PGS1: variants seen among roughly 807,000 people sequenced by gnomAD.
PGS1 encodes the protein CDP-diacylglycerol--glycerol-3-phosphate 3-phosphatidyltransferase, mitochondrial.
In PGS1, 44 loss-of-function variants were observed where a neutral mutation model predicts 58.3. The ratio of observed to expected loss-of-function variants is 0.75; its 90% CI spans 0.59 to 0.97. The LOEUF is 0.97. Ranked by LOEUF, PGS1 falls within the 50% of genes least tolerant of loss-of-function variation. PGS1 has a pLI of 0.00. For missense variants in PGS1, 684 were observed against 731.1 expected, an observed-to-expected ratio of 0.94 and a Z score of 0.74; for synonymous variants, 330 against 311.0, an observed-to-expected ratio of 1.06 and a Z score of -0.64.
Position 78,419,543 on chromosome 17 carries a change from C to T in PGS1, c.1552-3C>T, listed in dbSNP as rs2085506419. 6.2e-7 allele frequency: 1 copy of T among 1,613,540 alleles called. No individual in the cohort carries two copies. Among genetic ancestry groups the T allele is most frequent in the South Asian group, 1.1e-5 (1 of 91,064 alleles). ...ACTATTCCTGTCTGTTCCTCTTCCT[C>T]AGGAGCAAGAGCAGCTCTACCTGAG... On this transcript the variant is annotated splice_polypyrimidine_tract_variant and splice_region_variant and intron_variant, in intron 8 of 9. Transcript: ENST00000262764.
At chr17:78,403,489 C>A in intron 6 of PGS1, 79 bp from the exon 7 acceptor site, 1 of 1,440,210 alleles carries the variant, frequency 6.9e-7, no homozygotes, top group Non-Finnish European at 9.5e-7. Context: ...TTGCCTATCA[C>A]ATGCCCTGTC....
rs748023888 is a variant in PGS1 at position 78,403,993 on chromosome 17, G to A, written c.1306G>A (p.Glu436Lys). 3.1e-6 allele frequency: 5 copies of A among 1,613,882 alleles called. No homozygotes were observed. Among genetic ancestry groups the A allele is most frequent in the African/African-American group, 1.3e-5 (1 of 75,060 alleles). The change falls in exon 7 of 10, where the codon GAG becomes AAG. Residue 436 changes from glutamate (E) to lysine (K), a missense_variant. Transcript: ENST00000262764. Reference sequence around the variant, plus strand: ...CATCCCAGCGGCCTATGTGCACATCGAGCGACAGTTCTTCAGTGAGGTGTG... The same window carrying A: ...CATCCCAGCGGCCTATGTGCACATCAAGCGACAGTTCTTCAGTGAGGTGTG... ...GAIPAAYVHI[E>K]RQFFSEVCSL...
chr17:78,391,770 A>C (rs2082853223), intron 1 of PGS1, among the ~76,000 whole-genome samples: 1 of 151,854 alleles, frequency 6.6e-6, no homozygotes, highest in Non-Finnish European at 1.5e-5. Context: ...GAGCCACTGC[A>C]CCCAGCCTGC....
At chr17:78,399,581 A>G (rs1389407726) in intron 5 of PGS1, 44 bp downstream of exon 5, 25 of 1,577,276 alleles carry the variant, frequency 1.6e-5, no homozygotes, top group Non-Finnish European at 2.2e-5. Context: ...CCTGCTCTGC[A>G]GGCTGGAGGG....
In PGS1 at chr17:78,403,588, A is replaced by G. The variant is rs2083871636; in HGVS notation, c.901A>G (p.Lys301Glu). 1 of 1,612,576 alleles carries G rather than the reference A, an allele frequency of 6.2e-7. No homozygotes were observed. Among genetic ancestry groups the G allele is most frequent in the East Asian group, 2.2e-5 (1 of 44,824 alleles). ...CCCAGGGGACCGGGCCGAGTACTGC[A>G]AGGCAGCCAATAAGAGGGTCATGGA... ...PYKGDRAEYC[K>E]AANKRVMDVI... is the part of the protein sequence containing the mutation. The change falls in exon 7 of 10, where the codon AAG (lysine) becomes GAG (glutamate). Residue 301 changes from lysine to glutamate, a missense_variant. Coordinates refer to ENST00000262764, the MANE Select transcript of PGS1 (RefSeq NM_024419.5).
intron 6 of PGS1, among the ~76,000 whole-genome samples, chr17:78,401,649 C>T (rs867521306): frequency 1.2e-4 from 18 of 152,096 alleles, no homozygotes; most frequent in Non-Finnish European, 1.9e-4. Context: ...TTCAGTGGGC[C>T]GTCTGGTGGA....
chr17:78,418,238 A>G (rs1382075657), intron 8 of PGS1, among the ~76,000 whole-genome samples: 1 of 152,078 alleles, frequency 6.6e-6, no homozygotes, highest in Non-Finnish European at 1.5e-5. Context: ...CCGCATATAT[A>G]AATGTTTTTA....
intron 9 of PGS1, chr17:78,423,562 G>T (rs1238802506): frequency 2.0e-5 from 6 of 297,570 alleles, no homozygotes; most frequent in Non-Finnish European, 3.9e-5. Context: ...AAACTCCACT[G>T]ACCCCCCCGG....
chr17:78,414,054 T>C (rs911561354), intron 7 of PGS1, among the ~76,000 whole-genome samples: 1 of 152,206 alleles, frequency 6.6e-6, no homozygotes, highest in Non-Finnish European at 1.5e-5. Flanking sequence ...TCCTCCATTG[T>C]CTTTTCCAGC....
At position 78,400,667 on chromosome 17, in the gene PGS1, C is replaced by A. The variant is rs773706442; in HGVS notation, c.702-10C>A. 3 of 1,613,398 alleles carry A rather than the reference C, an allele frequency of 1.9e-6. No individual in the cohort carries two copies. The highest frequency in any genetic ancestry group is 2.5e-6 in the Non-Finnish European group (3 of 1,179,624). On this transcript the variant is annotated splice_polypyrimidine_tract_variant and intron_variant, in intron 5 of 9. Transcript: ENST00000262764. This position sits in a 1 kb window ranked among gnomAD's most constrained non-coding sequence, Gnocchi z 4.4. ...TGAGTCCTCCTCACCTGCATCTTCC[C>A]TCCCTGTAGTGCAAACCTGAGTGAC... is the stretch of plus-strand genomic sequence containing the variant.
chr17:78,383,337 C>T (rs1598221880), intron 1 of PGS1, among the ~76,000 whole-genome samples: 1 of 152,104 alleles, frequency 6.6e-6, no homozygotes, highest in Admixed American at 6.6e-5. Flanking sequence ...AGCGATTCTC[C>T]TGCCTCAGCC....
intron 1 of PGS1, among the ~76,000 whole-genome samples, chr17:78,391,541 G>A (rs1472880162): frequency 2.0e-5 from 3 of 151,860 alleles, no homozygotes; most frequent in South Asian, 2.1e-4. Flanking sequence ...GCAGTGGTGC[G>A]ATCTCGCCTC....
intron 9 of PGS1, chr17:78,419,908 CGCCTGTGCTGGGGTCGGCAGTGGCA>C: frequency 7.9e-7 from 1 of 1,259,378 alleles, no homozygotes; most frequent in Admixed American, 3.3e-5. Flanking sequence ...AGTCCCAAGG[CGCCTGTGCTGGGGTCGGCAGTGGCA>C]GCCTGTAGTC....
intron 6 of PGS1, among the ~76,000 whole-genome samples, chr17:78,402,858 G>A (rs1036036543): frequency 2.0e-5 from 3 of 152,062 alleles, no homozygotes; most frequent in African/African-American, 7.2e-5. Flanking sequence ...TTAATTTTCA[G>A]CTTTGTCTTG....
intron 4 of PGS1, among the ~76,000 whole-genome samples, chr17:78,398,775 C>G (rs564596586): frequency 3.3e-5 from 5 of 152,224 alleles, no homozygotes; most frequent in African/African-American, 1.2e-4. Context: ...GGATTCATCC[C>G]CTAGCTGTTT....
chr17:78,423,729 C>A (rs1441400725), intron 9 of PGS1: 4 of 793,818 alleles, frequency 5.0e-6, no homozygotes, highest in South Asian at 1.7e-5. Context: ...TCTGCCCCAC[C>A]TCTTCCACAC....
intron 7 of PGS1, among the ~76,000 whole-genome samples, chr17:78,414,672 C>G (rs2085018916): frequency 6.6e-6 from 1 of 152,134 alleles, no homozygotes; most frequent in Admixed American, 6.6e-5. Context: ...TGAGGCTGCG[C>G]CCTGATCCTG....
intron 3 of PGS1, among the ~76,000 whole-genome samples, chr17:78,397,393 T>TCAGACGGGCCCATTGCCCAGA (rs1182259718): frequency 7.9e-5 from 12 of 151,114 alleles, no homozygotes; most frequent in Non-Finnish European, 1.2e-4. Flanking sequence ...GGAGGTGCAG[T>TCAGACGGGCCCATTGCCCAGA]GGGTTCACAC....
At chr17:78,395,869 G>A (rs1384633340) in intron 2 of PGS1, among the ~76,000 whole-genome samples, 1 of 152,198 alleles carries the variant, frequency 6.6e-6, no homozygotes, top group African/African-American at 2.4e-5. Flanking sequence ...CTCCCAGGTA[G>A]CTGGGATTAC....
Sources: allele counts gnomAD v4.1 joint callset (sites outside exome capture counted in the v4.1 genomes callset), GRCh38; gene constraint gnomAD v4.1.1; non-coding constraint Gnocchi (gnomAD v3.1); transcripts MANE v1.5; gene names NCBI Gene and HGNC (gene_info 2026-07-23, HGNC 2026-07-21).